PRSS12: variants seen among roughly 807,000 people sequenced by gnomAD.
The protein encoded by PRSS12 is serine protease 12.
A neutral mutation model predicts 104.4 loss-of-function variants in PRSS12; 85 were observed. The observed-to-expected ratio is 0.81, with a 90% CI of 0.68 to 0.98. PRSS12 has a LOEUF of 0.98. Ranked by LOEUF, PRSS12 falls within the 50% of genes least tolerant of loss-of-function variation. The pLI is 0.00. For missense variants in PRSS12, 1,141 were observed against 1,139.2 expected, an observed-to-expected ratio of 1.00 and a Z score of -0.02; for synonymous variants, 454 against 425.2, an observed-to-expected ratio of 1.07 and a Z score of -0.83.
At chr4:118,305,459 C>T (rs913416866) in intron 8 of PRSS12, among the ~76,000 whole-genome samples, 1 of 151,990 alleles carries the variant, frequency 6.6e-6, no homozygotes, top group Non-Finnish European at 1.5e-5. Context: ...TCTAAAATCA[C>T]TTCTTTTTTA....
chr4:118,340,843 G>A (rs1047742339), intron 1 of PRSS12, among the ~76,000 whole-genome samples: 1 of 152,230 alleles, frequency 6.6e-6, no homozygotes, highest in Non-Finnish European at 1.5e-5. Flanking sequence ...GTAGAAATAT[G>A]TTTGGACAAA....
rs557482935 is a variant in PRSS12, at chr4:118,313,481, G to C, written c.1293-84C>G. ...CAAAACATTTAACACAAGCAACTTA[G>C]TTCAGTGACATGACTTCAGAGGATA... On this transcript the variant is annotated intron_variant, in intron 6 of 12. Transcript: ENST00000296498. The C allele has an allele frequency of 5.0e-6, 7 of 1,401,284 alleles. 1 individual carries two copies. The South Asian group carries it at 5.9e-5, about 12-fold the overall frequency. The allele number at this position is 1,401,284 out of a possible 1,614,324, so 86.8% of individuals were successfully genotyped here.
At chr4:118,309,007 T>C (rs1743634137) in intron 7 of PRSS12, among the ~76,000 whole-genome samples, 1 of 152,040 alleles carries the variant, frequency 6.6e-6, no homozygotes, top group South Asian at 2.1e-4. Context: ...GACAAGATTT[T>C]TAGAACGATA....
At chr4:118,335,686 A>G (rs778716924) in intron 2 of PRSS12, 35 bp from the exon 3 acceptor site, 3 of 1,594,612 alleles carry the variant, frequency 1.9e-6, no homozygotes, top group African/African-American at 2.7e-5. Flanking sequence ...GGTTTATCAA[A>G]TGTAGGCAAA....
chr4:118,352,204 C>T lies in PRSS12; in HGVS notation c.502+15G>A, dbSNP rs1007659134. ...GCCCGTCCGGAGTTTCCGCGGCCGC[C>T]CCGAGGCCACTAACCGTGTCTGCAG... is the stretch of plus-strand genomic sequence containing the variant. On this transcript the variant is annotated intron_variant, in intron 1 of 12. Transcript: ENST00000296498. 11 of 1,610,978 alleles carry T rather than the reference C, an allele frequency of 6.8e-6. No homozygotes were observed. The highest frequency in any genetic ancestry group is 8.5e-6 in the Non-Finnish European group (10 of 1,179,526).
chr4:118,343,010 AG>A (rs1724256477), intron 1 of PRSS12, among the ~76,000 whole-genome samples: 1 of 152,186 alleles, frequency 6.6e-6, no homozygotes, highest in Admixed American at 6.5e-5. Flanking sequence ...CCATCTTATC[AG>A]TCTCAGTCAA....
At chr4:118,344,409 A>G (rs1251880344) in intron 1 of PRSS12, among the ~76,000 whole-genome samples, 2 of 149,640 alleles carry the variant, frequency 1.3e-5, no homozygotes, top group African/African-American at 2.4e-5. Context: ...TTTCTTCACT[A>G]TATTCTACAG....
chr4:118,344,678 T>C (rs1314455833), intron 1 of PRSS12, among the ~76,000 whole-genome samples: 1 of 152,188 alleles, frequency 6.6e-6, no homozygotes, highest in Admixed American at 6.5e-5. Flanking sequence ...AAAAATCAGT[T>C]GGTATAGTTC....
intron 1 of PRSS12, among the ~76,000 whole-genome samples, chr4:118,348,093 A>G (rs1187581277): frequency 6.6e-6 from 1 of 151,966 alleles, no homozygotes; most frequent in African/African-American, 2.4e-5. Context: ...AATAATAATA[A>G]ATTAGCTGGA....
At chr4:118,324,912 T>C (rs1331762668) in intron 4 of PRSS12, among the ~76,000 whole-genome samples, 1 of 151,990 alleles carries the variant, frequency 6.6e-6, no homozygotes, top group African/African-American at 2.4e-5. Flanking sequence ...GGTTTCACCA[T>C]GTTGGTCAGG....
chr4:118,303,936 C>G (rs956547935), intron 8 of PRSS12: 1 of 151,892 alleles, frequency 6.6e-6, no homozygotes, highest in Admixed American at 6.6e-5. Context: ...CTTCCTTAAT[C>G]CAAGCAACAC....
intron 7 of PRSS12, 30 bp from the exon 8 acceptor site, chr4:118,308,607 GC>G (rs1373378989): frequency 1.3e-6 from 2 of 1,569,626 alleles, no homozygotes; most frequent in African/African-American, 2.7e-5. Context: ...TATTAGAACA[GC>G]CCAAACATGC....
At chr4:118,316,837 A>AAAAAATATATATATAT (rs35698159) in intron 5 of PRSS12, among the ~76,000 whole-genome samples, 1,398 of 98,884 alleles carry the variant, frequency 0.014, 42 homozygotes, top group African/African-American at 0.041. Flanking sequence ...AAAAAAAAAA[A>AAAAAATATATATATAT]ATATATATAT....
intron 4 of PRSS12, among the ~76,000 whole-genome samples, chr4:118,321,536 C>T (rs1274476921): frequency 1.3e-5 from 2 of 152,144 alleles, no homozygotes; most frequent in African/African-American, 2.4e-5. Flanking sequence ...GGGATGATAA[C>T]GGCTAACTTG....
chr4:118,328,279 A>C (rs949026203), intron 4 of PRSS12, among the ~76,000 whole-genome samples: 3 of 152,206 alleles, frequency 2.0e-5, no homozygotes, highest in African/African-American at 7.2e-5. Flanking sequence ...ATAAAAACAA[A>C]TCTCTATAAA....
chr4:118,301,417 A>T (rs1743403923), intron 8 of PRSS12, among the ~76,000 whole-genome samples: 1 of 152,186 alleles, frequency 6.6e-6, no homozygotes, highest in Admixed American at 6.5e-5. Context: ...CAAGGTTGAA[A>T]GCCACTGCTG....
chr4:118,342,650 T>C (rs1560787021), intron 1 of PRSS12, among the ~76,000 whole-genome samples: 1 of 152,194 alleles, frequency 6.6e-6, no homozygotes, highest in Non-Finnish European at 1.5e-5. Context: ...CTATGCGTGA[T>C]GGCATGTCAT....
chr4:118,352,486 C>G lies in PRSS12; in HGVS notation c.235G>C (p.Ala79Pro), dbSNP rs767822958. 58 of 1,376,038 alleles carry G rather than the reference C, an allele frequency of 4.2e-5. No individual in the cohort carries two copies. Among genetic ancestry groups the G allele is most frequent in the Non-Finnish European group, 4.9e-5 (53 of 1,071,148 alleles). 85.2% of individuals were successfully genotyped at this position (1,376,038 alleles called of 1,614,324 possible). ...CGGGGCGTGTGCCCGGCCTGGAGGG[C>G]GTGCGGGCGCTGGGCAGGGAGCGCC... ...PRALPAQRPH[A>P]LQAGHTPRPH... The change falls in exon 1 of 13, where the codon GCC becomes CCC. Residue 79 changes from alanine to proline, a missense_variant. Physicochemically the swap from Ala to Pro is conservative, Grantham distance 27 (BLOSUM62 -1). Coordinates refer to ENST00000296498, the MANE Select transcript of PRSS12 (RefSeq NM_003619.4).
chr4:118,304,726 G>A (rs1743497529), intron 8 of PRSS12, among the ~76,000 whole-genome samples: 1 of 151,952 alleles, frequency 6.6e-6, no homozygotes, highest in Non-Finnish European at 1.5e-5. Flanking sequence ...ATGCTCATAT[G>A]CTAGACTTTG....
Sources: allele counts gnomAD v4.1 joint callset (sites outside exome capture counted in the v4.1 genomes callset), GRCh38; gene constraint gnomAD v4.1.1; transcripts MANE v1.5; gene names NCBI Gene and HGNC (gene_info 2026-07-23, HGNC 2026-07-21).